CMSS1: variants seen among roughly 807,000 people sequenced by gnomAD.
CMSS1 encodes protein CMSS1.
A neutral mutation model predicts 43.5 loss-of-function variants in CMSS1; 33 were observed. The observed-to-expected ratio is 0.76, with a 90% CI of 0.57 to 1.01. The LOEUF is 1.01. CMSS1 is among the 50% of genes least tolerant of loss of function. CMSS1 has a pLI of 0.00. For synonymous variants in CMSS1, 115 were observed against 117.2 expected, an observed-to-expected ratio of 0.98 and a Z score of 0.12; for missense variants, 313 against 326.4, an observed-to-expected ratio of 0.96 and a Z score of 0.32.
intron 6 of CMSS1, 150 bp downstream of exon 6, chr3:100,167,990 A>G (rs1003467287): frequency 1.9e-6 from 1 of 533,664 alleles, no homozygotes; most frequent in Non-Finnish European, 3.3e-6. Context: ...GGAGACAGAT[A>G]ATAAACAAAT....
chr3:100,109,498 G>A (rs2066452230), intron 1 of CMSS1, among the ~76,000 whole-genome samples: 1 of 152,132 alleles, frequency 6.6e-6, no homozygotes, highest in Non-Finnish European at 1.5e-5. Flanking sequence ...CTCAGCGTCA[G>A]CTGTTGGCAA....
intron 1 of CMSS1, among the ~76,000 whole-genome samples, chr3:100,142,275 A>G (rs189582141): frequency 1.3e-5 from 2 of 152,162 alleles, no homozygotes; most frequent in African/African-American, 4.8e-5. Context: ...ACATATGTAG[A>G]TTTCACCAAC....
chr3:100,162,263 A>T, intron 3 of CMSS1, 40 bp from the exon 4 acceptor site: 1 of 1,589,036 alleles, frequency 6.3e-7, no homozygotes. Flanking sequence ...ATGCCATTTT[A>T]AAATATGTCG....
At chr3:100,102,331 T>TA (rs1171353267) in intron 1 of CMSS1, among the ~76,000 whole-genome samples, 1 of 152,192 alleles carries the variant, frequency 6.6e-6, no homozygotes, top group Non-Finnish European at 1.5e-5. Flanking sequence ...TATGAGATGG[T>TA]ATCTCATTGT....
intron 2 of CMSS1, among the ~76,000 whole-genome samples, chr3:100,152,978 A>C (rs373605210): frequency 1.3e-5 from 2 of 152,374 alleles, no homozygotes; most frequent in East Asian, 3.9e-4. Context: ...CTCACTCCAG[A>C]TACTTCAGCA....
chr3:99,838,150 A>G (rs1942975409), intron 1 of CMSS1, among the ~76,000 whole-genome samples: 1 of 152,226 alleles, frequency 6.6e-6, no homozygotes, highest in South Asian at 2.1e-4. Context: ...TAAAGTGGAC[A>G]CTGACTGCAC....
At chr3:99,823,290 A>G (rs926427463) in intron 1 of CMSS1, among the ~76,000 whole-genome samples, 6 of 152,198 alleles carry the variant, frequency 3.9e-5, no homozygotes, top group African/African-American at 1.4e-4. Context: ...TCAAAGCTTA[A>G]CATATGTGGC....
intron 1 of CMSS1, among the ~76,000 whole-genome samples, chr3:99,855,754 T>C (rs973290642): frequency 1.3e-5 from 2 of 152,234 alleles, no homozygotes; most frequent in African/African-American, 4.8e-5. Context: ...TGTTCTTATA[T>C]CTGCCAAAAG....
chr3:99,838,367 A>C (rs545817445), intron 1 of CMSS1, among the ~76,000 whole-genome samples: 1 of 152,194 alleles, frequency 6.6e-6, no homozygotes, highest in South Asian at 2.1e-4. Context: ...ACTCTTGGCT[A>C]TGGTGATCAT....
intron 8 of CMSS1, among the ~76,000 whole-genome samples, chr3:100,172,804 G>A (rs1297923800): frequency 6.6e-6 from 1 of 152,192 alleles, no homozygotes; most frequent in Non-Finnish European, 1.5e-5. Context: ...TTCCATGAAT[G>A]TAATGCAGGC....
At chr3:99,884,509 T>C (rs1277943441) in intron 1 of CMSS1, among the ~76,000 whole-genome samples, 1 of 152,194 alleles carries the variant, frequency 6.6e-6, no homozygotes, top group Non-Finnish European at 1.5e-5. Flanking sequence ...ATTGCTGTTA[T>C]TTATTAAGAG....
chr3:100,143,464 A>G (rs2107509448), intron 1 of CMSS1, among the ~76,000 whole-genome samples: 1 of 152,326 alleles, frequency 6.6e-6, no homozygotes, highest in Middle Eastern at 3.4e-3. Context: ...TTTATGGCCT[A>G]GAATATAGTC....
chr3:100,033,422 A>G (rs1385178502), intron 1 of CMSS1, among the ~76,000 whole-genome samples: 1 of 152,218 alleles, frequency 6.6e-6, no homozygotes, highest in Non-Finnish European at 1.5e-5. Flanking sequence ...TCCCCTTTGA[A>G]AATCACAGCT....
intron 1 of CMSS1, among the ~76,000 whole-genome samples, chr3:99,961,502 T>C (rs147373359): frequency 2.8e-4 from 42 of 152,266 alleles, no homozygotes; most frequent in African/African-American, 9.9e-4. Context: ...CATTATGTAG[T>C]TCATTTTGCC....
At position 99,817,902 on chromosome 3, in the gene CMSS1, C is replaced by A; in HGVS notation, c.-78C>A. 2.0e-6 allele frequency: 3 copies of A among 1,509,508 alleles called. No homozygotes were observed. Among genetic ancestry groups the A allele is most frequent in the Non-Finnish European group, 2.8e-6 (3 of 1,090,474 alleles). 93.5% of individuals were successfully genotyped at this position (1,509,508 alleles called of 1,614,324 possible). On this transcript the variant is annotated 5_prime_UTR_variant, in exon 1 of 10. In the 5' UTR this introduces an upstream ATG that the reference lacks. Coordinates refer to ENST00000421999, the MANE Select transcript of CMSS1 (RefSeq NM_032359.4). ...CTCCGCGTGTAGCTACGCCGGCCGC[C>A]TGGCTTTGAGACAACGTGATTCTCC...
chr3:99,993,176 G>A (rs1709573273), intron 1 of CMSS1, among the ~76,000 whole-genome samples: 1 of 151,918 alleles, frequency 6.6e-6, no homozygotes, highest in Non-Finnish European at 1.5e-5. Context: ...TTTTAGGATT[G>A]TTTTTTCTAC....
chr3:99,848,603 T>G (rs1294455645), intron 1 of CMSS1: 4 of 1,614,012 alleles, frequency 2.5e-6, no homozygotes, highest in Non-Finnish European at 3.4e-6. Flanking sequence ...TTGGCACTGA[T>G]TTCTGTTGGT....
intron 1 of CMSS1, among the ~76,000 whole-genome samples, chr3:99,997,333 A>G (rs772053717): frequency 1.3e-5 from 2 of 152,222 alleles, no homozygotes; most frequent in African/African-American, 4.8e-5. Flanking sequence ...AGGAACAACT[A>G]TGTGCTCACA....
At chr3:100,130,275 C>A (rs1010822838) in intron 1 of CMSS1, among the ~76,000 whole-genome samples, 1 of 152,170 alleles carries the variant, frequency 6.6e-6, no homozygotes, top group Non-Finnish European at 1.5e-5. Flanking sequence ...CTGAATTTCC[C>A]TTTCACATTT....
Sources: allele counts gnomAD v4.1 joint callset (sites outside exome capture counted in the v4.1 genomes callset), GRCh38; gene constraint gnomAD v4.1.1; transcripts MANE v1.5; gene names NCBI Gene and HGNC (gene_info 2026-07-23, HGNC 2026-07-21).